HDX: variants seen among roughly 807,000 people sequenced by gnomAD.
HDX encodes the protein chromosome X open reading frame 43.
In HDX, 19 loss-of-function variants were observed where a neutral mutation model predicts 45.2. The ratio of observed to expected loss-of-function variants is 0.42; its 90% CI spans 0.29 to 0.62. The LOEUF is 0.62. HDX is among the 20% of genes least tolerant of loss of function. The pLI is 0.20. For synonymous variants in HDX, 188 were observed against 172.8 expected, an observed-to-expected ratio of 1.09 and a Z score of -0.69; for missense variants, 532 against 493.9, an observed-to-expected ratio of 1.08 and a Z score of -0.73.
chrX:84,495,456 A>T (rs1222864648), intron 1 of HDX, among the ~76,000 whole-genome samples: 1 of 111,659 alleles, frequency 9.0e-6, no homozygotes, highest in Non-Finnish European at 1.9e-5. Flanking sequence ...CACACTATAA[A>T]CATATATATT....
intron 6 of HDX, among the ~76,000 whole-genome samples, chrX:84,351,010 GCTATCTATCTATCTATCTATCTAT>G (rs199956764): frequency 9.4e-6 from 1 of 105,938 alleles, no homozygotes; most frequent in Non-Finnish European, 1.9e-5. Context: ...ATTGATCCAG[GCTATCTATCTATCTATCTATCTAT>G]CTATCTATCT....
chrX:84,370,437 C>T (rs1399554161), intron 5 of HDX, among the ~76,000 whole-genome samples: 1 of 111,773 alleles, frequency 8.9e-6, no homozygotes, highest in Non-Finnish European at 1.9e-5. Context: ...ATATAAACCA[C>T]TTACCATCAC....
At chrX:84,362,039 G>A (rs1003723042) in intron 5 of HDX, among the ~76,000 whole-genome samples, 1 of 111,150 alleles carries the variant, frequency 9.0e-6, no homozygotes, top group Admixed American at 9.6e-5. Context: ...AGCAAAGACA[G>A]GCTTATATTA....
intron 4 of HDX, among the ~76,000 whole-genome samples, chrX:84,465,696 G>A (rs1321395206): frequency 8.9e-6 from 1 of 111,995 alleles, no homozygotes; most frequent in East Asian, 2.8e-4. Context: ...GGGAGGGATA[G>A]CATTAGGAGA....
intron 5 of HDX, among the ~76,000 whole-genome samples, chrX:84,432,405 C>T (rs769166613): frequency 2.7e-5 from 3 of 112,035 alleles, no homozygotes; most frequent in Non-Finnish European, 5.7e-5. Flanking sequence ...AGCATTGAAT[C>T]TGTGGATTGC....
chrX:84,389,938 T>A (rs1288279417), intron 5 of HDX, among the ~76,000 whole-genome samples: 1 of 111,103 alleles, frequency 9.0e-6, no homozygotes, highest in Non-Finnish European at 1.9e-5. Context: ...GAGCTGTCCT[T>A]TCATTCTTTC....
chrX:84,365,306 G>A (rs763554386), intron 5 of HDX, among the ~76,000 whole-genome samples: 1 of 111,116 alleles, frequency 9.0e-6, no homozygotes, highest in African/African-American at 3.3e-5. Context: ...GCTTCCCACT[G>A]GTGAGAAAGG....
intron 5 of HDX, among the ~76,000 whole-genome samples, chrX:84,408,505 T>C (rs2038890709): frequency 1.1e-5 from 1 of 95,083 alleles, no homozygotes. Flanking sequence ...CTTTGTTTTT[T>C]TTTTTTTTTT....
intron 5 of HDX, among the ~76,000 whole-genome samples, chrX:84,409,124 G>A (rs1208747892): frequency 9.0e-6 from 1 of 110,798 alleles, no homozygotes; most frequent in Non-Finnish European, 1.9e-5. Flanking sequence ...ATGAAAAAAT[G>A]CTCACCATCA....
intron 8 of HDX, among the ~76,000 whole-genome samples, chrX:84,335,543 C>G (rs2036941586): frequency 2.7e-5 from 3 of 111,483 alleles, no homozygotes; most frequent in Middle Eastern, 4.6e-3. Flanking sequence ...CAGAGAAATT[C>G]AGGCTACAAA....
intron 6 of HDX, among the ~76,000 whole-genome samples, chrX:84,358,358 T>TA (rs57437831): frequency 9.0e-6 from 1 of 110,623 alleles, no homozygotes; most frequent in Non-Finnish European, 1.9e-5. Context: ...AACTTTGATT[T>TA]AAAAAAAATA....
At chrX:84,372,606 T>A (rs1177438816) in intron 5 of HDX, among the ~76,000 whole-genome samples, 1 of 112,292 alleles carries the variant, frequency 8.9e-6, no homozygotes, top group Non-Finnish European at 1.9e-5. Context: ...ATTGTGTAAG[T>A]TCTTTTTTGT....
Position 84,452,379 on chromosome X carries a change from A to G in HDX, c.1252-11794T>C, listed in dbSNP as rs190597718. Among the ~76,000 whole-genome samples, 947 of 110,406 alleles carry G rather than the reference A, an allele frequency of 8.6e-3. 9 individuals carry two copies. Among genetic ancestry groups the G allele is most frequent in the African/African-American group, 0.03 (907 of 30,449 alleles). ...TAATCCAATAATAAATTAGCTGAGG[A>G]AAAAAAATCAATAAGGCAATGCAAT... On this transcript the variant is annotated intron_variant, in intron 4 of 10. Coordinates refer to ENST00000373177, the MANE Select transcript of HDX (RefSeq NM_001177479.2).
At chrX:84,436,498 G>C (rs769166762) in intron 5 of HDX, among the ~76,000 whole-genome samples, 1 of 111,624 alleles carries the variant, frequency 9.0e-6, no homozygotes, top group East Asian at 2.8e-4. Context: ...CCTTTGCTGT[G>C]ACCCATAGGT....
In HDX at chrX:84,407,628, A is replaced by G. The variant is rs1319675915; in HGVS notation, c.1305+32904T>C. ...AGTTCTCTTTTAAGTTCTTTGAGAA[A>G]TCATCTAATTGCTTTCCACAATGGC... is the stretch of plus-strand genomic sequence containing the variant. On this transcript the variant is annotated intron_variant, in intron 5 of 10. Coordinates refer to ENST00000373177, the MANE Select transcript of HDX (RefSeq NM_001177479.2). 2.7e-5 allele frequency among the ~76,000 whole-genome samples: 3 copies of G among 111,675 alleles called. No homozygotes were observed. The East Asian group carries it at 8.5e-4, about 31-fold the overall frequency.
chrX:84,327,885 A>G (rs1238417347), intron 9 of HDX, among the ~76,000 whole-genome samples: 1 of 111,256 alleles, frequency 9.0e-6, no homozygotes, highest in East Asian at 2.8e-4. Context: ...GTGCAGTGGT[A>G]CAATCATAGC....
chrX:84,336,059 G>T (rs190464741), intron 8 of HDX, among the ~76,000 whole-genome samples: 14 of 109,985 alleles, frequency 1.3e-4, no homozygotes, highest in African/African-American at 4.3e-4. Flanking sequence ...AACACAGAAC[G>T]TTGATTCAAA....
At chrX:84,322,040 G>A (rs1234170771) in intron 10 of HDX, 26 bp from the exon 11 acceptor site, 9 of 1,059,734 alleles carry the variant, frequency 8.5e-6, no homozygotes, top group Non-Finnish European at 1.1e-5. Context: ...AATATTTTTG[G>A]ATTAGTATGT....
chrX:84,348,300 C>T (rs1057347375), intron 6 of HDX, among the ~76,000 whole-genome samples: 5 of 111,520 alleles, frequency 4.5e-5, no homozygotes, highest in Admixed American at 3.8e-4. Flanking sequence ...TTTTTGGTCT[C>T]TAGCATTTGT....
Sources: gnomAD v4.1 joint callset for allele counts (sites outside exome capture counted in the v4.1 genomes callset) on GRCh38, gnomAD v4.1.1 for gene constraint, MANE v1.5 for transcripts, NCBI Gene and HGNC (gene_info 2026-07-23, HGNC 2026-07-21) for gene names.